The following CCDC159 variants were observed in gnomAD, a reference collection of about 807,000 sequenced individuals.
CCDC159 encodes the protein coiled-coil domain-containing protein 159.
CCDC159 carries 40 observed loss-of-function variants against 50.9 expected under a neutral mutation model. That is an observed-to-expected ratio of 0.79 (90% CI 0.61 to 1.02). CCDC159 has a LOEUF of 1.02. CCDC159 is among the 50% of genes least tolerant of loss of function. The pLI is 0.00. For synonymous variants in CCDC159, 146 were observed against 138.9 expected, an observed-to-expected ratio of 1.05 and a Z score of -0.36; for missense variants, 356 against 371.5, an observed-to-expected ratio of 0.96 and a Z score of 0.34.
intron 1 of CCDC159, chr19:11,349,067 G>A (rs759927655): frequency 4.5e-6 from 6 of 1,344,010 alleles, no homozygotes; most frequent in Non-Finnish European, 5.9e-6. Context: ...AGTGAGGACT[G>A]CAGACTGCAG....
chr19:11,353,710 C>A, intron 8 of CCDC159, 82 bp from the exon 9 acceptor site: 1 of 1,535,004 alleles, frequency 6.5e-7, no homozygotes, highest in South Asian at 1.2e-5. Flanking sequence ...CCCACCACGG[C>A]CCCCAACCTT....
chr19:11,346,730 G>T, intron 1 of CCDC159, 103 bp downstream of exon 1: 1 of 1,365,922 alleles, frequency 7.3e-7, no homozygotes, highest in South Asian at 1.3e-5. Flanking sequence ...TAATTCTCCC[G>T]GGAGGGACAC....
At position 11,350,729 on chromosome 19, in the gene CCDC159, C is replaced by G. The variant is rs1448090893; in HGVS notation, c.227-79C>G. On this transcript the variant is annotated intron_variant, in intron 4 of 10. Coordinates refer to ENST00000458408, the MANE Select transcript of CCDC159 (RefSeq NM_001080503.3). ...CCAGGGTGAGGGAAATTGGGAGAGT[C>G]TGGGTTCTGGGTCAAGATTAGGACA... The G allele has an allele frequency of 1.2e-5, 17 of 1,385,010 alleles. No individual in the cohort carries two copies. The East Asian group carries it at 1.3e-4, about 11-fold the overall frequency. 85.8% of individuals were successfully genotyped at this position (1,385,010 alleles called of 1,614,324 possible). A position where few individuals can be genotyped will look rare whatever the true frequency, so the allele number is the denominator to read the frequency against.
At chr19:11,353,259 C>G in intron 7 of CCDC159, 192 bp from the exon 8 acceptor site, 1 of 423,850 alleles carries the variant, frequency 2.4e-6, no homozygotes, top group South Asian at 2.7e-5. Context: ...CGCCACCACG[C>G]CCGGCTAACT....
intron 4 of CCDC159, 91 bp from the exon 5 acceptor site, chr19:11,350,717 A>C: frequency 1.5e-6 from 2 of 1,294,102 alleles, no homozygotes; most frequent in Non-Finnish European, 2.1e-6. Flanking sequence ...GGGTGAGGGA[A>C]ATTGGGAGAG....
chr19:11,348,027 C>T (rs1320356568), intron 1 of CCDC159: 1 of 430,628 alleles, frequency 2.3e-6, no homozygotes, highest in East Asian at 7.1e-5. Flanking sequence ...CAATGCCTTA[C>T]TGGAGCTGCT....
chr19:11,349,505 C>G, intron 1 of CCDC159, 149 bp from the exon 2 acceptor site: 3 of 938,808 alleles, frequency 3.2e-6, no homozygotes, highest in Non-Finnish European at 4.9e-6. Flanking sequence ...CATGAATATG[C>G]CTGGAGTGCA....
In CCDC159 at chr19:11,352,095, A is replaced by G. The variant is rs1187249092; in HGVS notation, c.529A>G (p.Ile177Val). The change falls in exon 7 of 11, where the codon ATT (isoleucine) becomes GTT (valine). Residue 177 changes from isoleucine to valine, a missense_variant. Physicochemically the swap from Ile to Val is conservative, Grantham distance 29 (BLOSUM62 3). Transcript: ENST00000458408. Reference protein sequence around the residue: ...EDEISENLVNIQKMQKTQVKC... With the variant: ...EDEISENLVNVQKMQKTQVKC... ...TGAGATCTCAGAGAACTTGGTGAACATTCAGAAAATGCAGAAAACGCAGGT... is the reference window on the plus strand; with the variant it reads ...TGAGATCTCAGAGAACTTGGTGAACGTTCAGAAAATGCAGAAAACGCAGGT... 3.7e-6 allele frequency: 6 copies of G among 1,613,686 alleles called. No homozygotes were observed. Among genetic ancestry groups the G allele is most frequent in the African/African-American group, 1.3e-5 (1 of 74,878 alleles).
intron 1 of CCDC159, among the ~76,000 whole-genome samples, chr19:11,347,123 C>A (rs1967283895): frequency 6.6e-6 from 1 of 151,778 alleles, no homozygotes; most frequent in African/African-American, 2.4e-5. Context: ...TCTGCTGTCC[C>A]TGGAAGTGAG....
rs1019491084 is a variant in CCDC159, at chr19:11,349,852, A to G, written c.56-86A>G. Reference sequence around the variant, plus strand: ...TATCTTATCCCCTGTCCCTACTGCTACTCTGAGCCTTTGCTGACCTCTGCC... The same window carrying G: ...TATCTTATCCCCTGTCCCTACTGCTGCTCTGAGCCTTTGCTGACCTCTGCC... On this transcript the variant is annotated intron_variant, in intron 2 of 10. Transcript: ENST00000458408. The G allele has an allele frequency of 1.2e-5, 16 of 1,346,194 alleles. No homozygotes were observed. In the African/African-American group the frequency reaches 1.9e-4, roughly 16 times the overall value. The allele number at this position is 1,346,194 out of a possible 1,614,324, so 83.4% of individuals were successfully genotyped here.
At chr19:11,353,049 A>G (rs1967668809) in intron 7 of CCDC159, among the ~76,000 whole-genome samples, 1 of 152,128 alleles carries the variant, frequency 6.6e-6, no homozygotes, top group Admixed American at 6.6e-5. Flanking sequence ...AGTCTGGCAT[A>G]TAACAAGTGC....
chr19:11,349,200 C>T, intron 1 of CCDC159: 1 of 1,328,374 alleles, frequency 7.5e-7, no homozygotes, highest in South Asian at 1.2e-5. Flanking sequence ...GCTAAGGTCA[C>T]CCCCACCCGG....
chr19:11,348,634 A>G (rs1300013296), intron 1 of CCDC159: 6 of 428,022 alleles, frequency 1.4e-5, no homozygotes, highest in African/African-American at 1.2e-4. Flanking sequence ...GGCTCCTACC[A>G]TAACTGAGAA....
chr19:11,346,999 C>G (rs1019972013), intron 1 of CCDC159, among the ~76,000 whole-genome samples: 8 of 152,118 alleles, frequency 5.3e-5, no homozygotes, highest in Admixed American at 2.6e-4. Flanking sequence ...GTTGGGGACA[C>G]TGAGGCATGG....
chr19:11,347,099 C>G (rs1967281737), intron 1 of CCDC159, among the ~76,000 whole-genome samples: 2 of 151,914 alleles, frequency 1.3e-5, no homozygotes, highest in Non-Finnish European at 2.9e-5. Context: ...AGTTTCCCTG[C>G]TTAACCGTCA....
At position 11,350,906 on chromosome 19, in the gene CCDC159, C is replaced by T; in HGVS notation, c.325C>T (p.Leu109Phe). Reference sequence around the variant, plus strand: ...GCTGTATGGGGCCCTGACCCAAGGCCTTCAGGGGCTGGAGAAGACCCTGCG... The same window carrying T: ...GCTGTATGGGGCCCTGACCCAAGGCTTTCAGGGGCTGGAGAAGACCCTGCG... The part of the protein sequence containing the change: ...QELYGALTQG[L>F]QGLEKTLRDS... The change falls in exon 5 of 11, where the codon CTT (leucine) becomes TTT (phenylalanine). Residue 109 changes from leucine to phenylalanine, a missense_variant. Leu to Phe is a conservative substitution (Grantham distance 22). Transcript: ENST00000458408. The T allele has an allele frequency of 6.4e-7, 1 of 1,553,014 alleles. No individual in the cohort carries two copies. The highest frequency in any genetic ancestry group is 1.7e-4 in the Middle Eastern group (1 of 5,896).
intron 5 of CCDC159, 188 bp from the exon 6 acceptor site, chr19:11,351,718 A>C: frequency 1.2e-5 from 6 of 501,416 alleles, no homozygotes; most frequent in Admixed American, 3.6e-5. Flanking sequence ...GACTGAGAGA[A>C]TGGGAGGCTG....
intron 1 of CCDC159, chr19:11,348,938 T>C: frequency 7.5e-7 from 1 of 1,332,816 alleles, no homozygotes; most frequent in South Asian, 1.1e-5. Context: ...TGCCCTGCAC[T>C]GTCCCTCAAG....
intron 1 of CCDC159, among the ~76,000 whole-genome samples, chr19:11,347,366 C>T (rs1355273150): frequency 3.3e-5 from 5 of 152,138 alleles, no homozygotes; most frequent in African/African-American, 7.2e-5. Flanking sequence ...GTTTCGCTCT[C>T]GTTGCCCGGG....
Sources: allele counts gnomAD v4.1 joint callset (sites outside exome capture counted in the v4.1 genomes callset), GRCh38; gene constraint gnomAD v4.1.1; transcripts MANE v1.5; gene names NCBI Gene and HGNC (gene_info 2026-07-23, HGNC 2026-07-21).